RNF157: variants seen among roughly 807,000 people sequenced by gnomAD.
The protein encoded by RNF157 is E3 ubiquitin ligase RNF157.
RNF157 carries 55 observed loss-of-function variants against 88.3 expected under a neutral mutation model. The ratio of observed to expected loss-of-function variants is 0.62; its 90% CI spans 0.50 to 0.78. RNF157 has a LOEUF of 0.78. Ranked by LOEUF, RNF157 falls within the 30% of genes least tolerant of loss-of-function variation. The pLI is 0.00. For synonymous variants in RNF157, 334 were observed against 341.2 expected (o/e 0.98, Z 0.23); for missense variants, 788 against 860.8 (o/e 0.92, Z 1.06).
At chr17:76,186,269 GCTGA>G (rs2069284718) in intron 2 of RNF157, among the ~76,000 whole-genome samples, 1 of 152,130 alleles carries the variant, frequency 6.6e-6, no homozygotes, top group South Asian at 2.1e-4. Flanking sequence ...ACTTTGGGAG[GCTGA>G]GGTGGGTGGA....
chr17:76,155,312 C>T lies in RNF157; in HGVS notation c.1704G>A (p.Leu568=). 1 of 1,614,146 alleles carries T rather than the reference C, an allele frequency of 6.2e-7. No individual in the cohort carries two copies. The change falls in exon 16 of 19, where the codon CTG becomes CTA. Residue 568 remains leucine (L), a synonymous_variant. Transcript: ENST00000269391. ...AGTTGCTGTCTGGAGACTCCGCTGG[C>T]AGCCCCTGCAGAAGAGCACAGTTTT... is the stretch of plus-strand genomic sequence containing the variant. ...SRAPSEEGEG[L]PAESPDSNFA...
At position 76,204,058 on chromosome 17, in the gene RNF157, C is replaced by T. The variant is rs192540547; in HGVS notation, c.207+8306G>A. On this transcript the variant is annotated intron_variant, in intron 2 of 18. Coordinates refer to ENST00000269391, the MANE Select transcript of RNF157 (RefSeq NM_052916.3). ...CTGGGATTACAGGCGTGAGCCACCG[C>T]GCCCAGCCCATAAAAACTTCTTAAT... Among the ~76,000 whole-genome samples, 4 of 152,232 alleles carry T rather than the reference C, an allele frequency of 2.6e-5. No homozygotes were observed. The East Asian group carries it at 7.7e-4, about 29-fold the overall frequency.
chr17:76,191,416 GCCTGGCCAAAAC>G (rs1176860404), intron 2 of RNF157, among the ~76,000 whole-genome samples: 1 of 151,900 alleles, frequency 6.6e-6, no homozygotes, highest in Non-Finnish European at 1.5e-5. Context: ...TTTAAGACCA[GCCTGGCCAAAAC>G]CCTGTCTCTA....
intron 2 of RNF157, among the ~76,000 whole-genome samples, chr17:76,183,779 G>T (rs1302434084): frequency 6.6e-6 from 1 of 151,760 alleles, no homozygotes; most frequent in Non-Finnish European, 1.5e-5. Context: ...TATAAATTAT[G>T]TATTTATGTA....
rs1478517286 is a variant in RNF157, at chr17:76,146,670, G to A, written c.1922-1317C>T. On this transcript the variant is annotated intron_variant, in intron 18 of 18. Transcript: ENST00000269391. The surrounding 1 kb of genome is among the most constrained non-coding windows in gnomAD (Gnocchi z 4.2). The stretch of plus-strand genomic sequence containing the variant: ...CCTGCAGCCTGAACTACTGCTCCAC[G>A]CACACGTCACATGGCAGAAACCGCT... 1.0e-5 allele frequency: 10 copies of A among 985,358 alleles called. No homozygotes were observed. The highest frequency in any genetic ancestry group is 1.7e-5 in the African/African-American group (1 of 57,246). The allele number at this position is 985,358 out of a possible 1,614,324, so 61.0% of individuals were successfully genotyped here.
intron 2 of RNF157, among the ~76,000 whole-genome samples, chr17:76,192,459 C>T (rs1200856064): frequency 6.6e-6 from 1 of 152,176 alleles, no homozygotes; most frequent in Non-Finnish European, 1.5e-5. Flanking sequence ...CTTCGTGTTA[C>T]CCCTAGTGAT....
intron 1 of RNF157, among the ~76,000 whole-genome samples, chr17:76,227,322 T>C (rs922569738): frequency 6.6e-6 from 1 of 151,486 alleles, no homozygotes; most frequent in Admixed American, 6.6e-5. Flanking sequence ...GGTTTTACCA[T>C]GTTGGCCAGG....
At position 76,161,062 on chromosome 17, in the gene RNF157, T is replaced by C. The variant is rs1419337502; in HGVS notation, c.1065+473A>G. Among the ~76,000 whole-genome samples, 1 of 152,202 alleles carries C rather than the reference T, an allele frequency of 6.6e-6. No individual in the cohort carries two copies. The highest frequency in any genetic ancestry group is 1.5e-5 in the Non-Finnish European group (1 of 68,034). On this transcript the variant is annotated intron_variant, in intron 11 of 18. Transcript: ENST00000269391. This position sits in a 1 kb window ranked among gnomAD's most constrained non-coding sequence, Gnocchi z 4.6. ...AAGACAGTATCTGCTGCTCTCTAACTGCAAAGCTTTGAGGTTTCACCCTAA... is the reference window on the plus strand; with the variant it reads ...AAGACAGTATCTGCTGCTCTCTAACCGCAAAGCTTTGAGGTTTCACCCTAA...
chr17:76,166,973 AGTGGATGTGGGAAAC>A, intron 5 of RNF157, 21 bp downstream of exon 5: 1 of 1,479,602 alleles, frequency 6.8e-7, no homozygotes, highest in Non-Finnish European at 9.3e-7. Flanking sequence ...GGCCCTTCTG[AGTGGATGTGGGAAAC>A]CCTCCCCAGA....
chr17:76,154,487 G>A, intron 16 of RNF157, 159 bp from the exon 17 acceptor site: 2 of 643,994 alleles, frequency 3.1e-6, no homozygotes, highest in Non-Finnish European at 5.6e-6. Context: ...AGGCTGAGTA[G>A]AGGCAGATCT....
At chr17:76,212,208 T>C in intron 2 of RNF157, 156 bp downstream of exon 2, 1 of 596,526 alleles carries the variant, frequency 1.7e-6, no homozygotes, top group Non-Finnish European at 3.0e-6. Flanking sequence ...AGAGATCCCA[T>C]ACAACCAAGG....
At chr17:76,197,636 C>G (rs1278010994) in intron 2 of RNF157, among the ~76,000 whole-genome samples, 1 of 152,150 alleles carries the variant, frequency 6.6e-6, no homozygotes, top group African/African-American at 2.4e-5. Context: ...GTGGTGTGAA[C>G]ATAGTTCACT....
At position 76,240,211 on chromosome 17, in the gene RNF157, C is replaced by T; in HGVS notation, c.30G>A (p.Ala10=). The T allele has an allele frequency of 7.1e-7, 1 of 1,400,424 alleles. No individual in the cohort carries two copies. The allele number at this position is 1,400,424 out of a possible 1,614,324, so 86.7% of individuals were successfully genotyped here. A position where few individuals can be genotyped will look rare whatever the true frequency, so the allele number is the denominator to read the frequency against. ...ACGGGATGTCCACCTCCTCCACGCC[C>T]GCGTGCTGCCGGCTCGTCAGGGCCC... is the stretch of plus-strand genomic sequence containing the variant. MGALTSRQH[A]GVEEVDIPSN... The change falls in exon 1 of 19, where the codon GCG becomes GCA. Residue 10 remains alanine, a synonymous_variant. Transcript: ENST00000269391. This position sits in a 1 kb window ranked among gnomAD's most constrained non-coding sequence, Gnocchi z 4.4.
intron 2 of RNF157, among the ~76,000 whole-genome samples, chr17:76,174,039 T>G (rs111802242): frequency 0.012 from 1,858 of 152,058 alleles, 32 homozygotes; most frequent in African/African-American, 0.042. Flanking sequence ...ATATGAAGCT[T>G]ATTTCGGTCA....
At chr17:76,184,189 T>TA (rs542969861) in intron 2 of RNF157, among the ~76,000 whole-genome samples, 24,846 of 110,630 alleles carry the variant, frequency 0.22, 2,516 homozygotes, top group Middle Eastern at 0.3. Flanking sequence ...AGACTCCATC[T>TA]AAAAAAAAAA....
intron 8 of RNF157, chr17:76,163,190 CTTTTTT>C (rs35564567): frequency 3.4e-4 from 41 of 121,398 alleles, no homozygotes; most frequent in Non-Finnish European, 6.8e-4. Context: ...GCCCTGTTTC[CTTTTTT>C]TTTTTTTTTT....
At chr17:76,178,724 G>C (rs1042075414) in intron 2 of RNF157, among the ~76,000 whole-genome samples, 1 of 152,166 alleles carries the variant, frequency 6.6e-6, no homozygotes, top group Non-Finnish European at 1.5e-5. Context: ...AATAGTCATG[G>C]TTGTTCCCAT....
In RNF157 at chr17:76,146,334, G is replaced by A. The variant is rs187617461; in HGVS notation, c.1922-981C>T. The stretch of plus-strand genomic sequence containing the variant: ...GAGGACTAGATGAGAGAATGCGAGC[G>A]TTGGTGAGTATCTGACTCCTAGAAT... On this transcript the variant is annotated intron_variant, in intron 18 of 18. Transcript: ENST00000269391. This position sits in a 1 kb window ranked among gnomAD's most constrained non-coding sequence, Gnocchi z 4.2. The A allele has an allele frequency of 2.0e-6, 2 of 985,192 alleles. No homozygotes were observed. Among genetic ancestry groups the A allele is most frequent in the Non-Finnish European group, 2.4e-6 (2 of 829,728 alleles). 61.0% of individuals were successfully genotyped at this position (985,192 alleles called of 1,614,324 possible).
chr17:76,209,748 G>A (rs975335832), intron 2 of RNF157, among the ~76,000 whole-genome samples: 5 of 151,946 alleles, frequency 3.3e-5, no homozygotes, highest in African/African-American at 4.8e-5. Context: ...TAGAAGAAAC[G>A]GCTACTTTCA....
Sources: gnomAD v4.1 joint callset for allele counts (sites outside exome capture counted in the v4.1 genomes callset) on GRCh38, gnomAD v4.1.1 for gene constraint, Gnocchi (gnomAD v3.1) non-coding constraint, MANE v1.5 for transcripts, NCBI Gene and HGNC (gene_info 2026-07-23, HGNC 2026-07-21) for gene names.